Variants in SKIC3 observed in about 807,000 individuals in gnomAD.
The protein encoded by SKIC3 is SKI3 subunit of superkiller complex.
the SKIC3 span, among the ~76,000 whole-genome samples, chr5:95,539,951 C>A: frequency 6.6e-6 from 1 of 151,984 alleles, no homozygotes; most frequent in Non-Finnish European, 1.5e-5. Flanking sequence ...AAGATACTTG[C>A]ACATGCATGT....
At chr5:95,540,553 T>C in the SKIC3 span, 12 of 1,097,182 alleles carry the variant, frequency 1.1e-5, no homozygotes, top group Non-Finnish European at 1.6e-5. Flanking sequence ...CAGGTGCAAA[T>C]GAACACATGA....
At chr5:95,513,352 C>T in the SKIC3 span, 7 of 506,300 alleles carry the variant, frequency 1.4e-5, no homozygotes, top group East Asian at 1.5e-4. Flanking sequence ...TACAGGTATA[C>T]ACCATCATAC....
the SKIC3 span, chr5:95,528,865 A>G: frequency 4.0e-6 from 3 of 746,926 alleles, no homozygotes; most frequent in African/African-American, 3.5e-5. Context: ...ATTTAAACTT[A>G]TTGAAATTAA....
the SKIC3 span, among the ~76,000 whole-genome samples, chr5:95,505,815 C>G: frequency 1.8e-5 from 2 of 113,476 alleles, no homozygotes; most frequent in African/African-American, 6.9e-5. Context: ...TCTGTCCCCC[C>G]AAAAAAAAAA....
chr5:95,469,636 T>G, the SKIC3 span: 1 of 1,132,746 alleles, frequency 8.8e-7, no homozygotes, highest in Non-Finnish European at 1.3e-6. Context: ...TCTTCCAAAG[T>G]AGATACAGAT....
the SKIC3 span, among the ~76,000 whole-genome samples, chr5:95,508,197 C>A: frequency 1.3e-5 from 2 of 152,148 alleles, no homozygotes; most frequent in Admixed American, 1.3e-4. Context: ...AAGCATATGG[C>A]AAAGCATTCA....
chr5:95,534,932 C>A, the SKIC3 span, among the ~76,000 whole-genome samples: 1 of 152,204 alleles, frequency 6.6e-6, no homozygotes. Flanking sequence ...CTCTCAATAA[C>A]CTACATTTCA....
chr5:95,538,166 T>C, the SKIC3 span, among the ~76,000 whole-genome samples: 1 of 152,124 alleles, frequency 6.6e-6, no homozygotes, highest in African/African-American at 2.4e-5. Flanking sequence ...GAGGGTGGGA[T>C]AGACCATCCA....
At chr5:95,505,542 G>A in the SKIC3 span, among the ~76,000 whole-genome samples, 23,654 of 152,030 alleles carry the variant, frequency 0.16, 2,553 homozygotes, top group African/African-American at 0.3. Flanking sequence ...GGCCGGGCAC[G>A]GTGGCTCACG....
the SKIC3 span, among the ~76,000 whole-genome samples, chr5:95,481,318 G>C: frequency 2.6e-5 from 4 of 152,174 alleles, no homozygotes; most frequent in Admixed American, 2.0e-4. Context: ...CACAAGATCT[G>C]ATAGTTTTAA....
chr5:95,466,353 C>T, the SKIC3 span, among the ~76,000 whole-genome samples: 1 of 152,298 alleles, frequency 6.6e-6, no homozygotes, highest in African/African-American at 2.4e-5. Context: ...TCTGTTACCT[C>T]TAACTCCATC....
the SKIC3 span, chr5:95,528,061 T>C: frequency 6.2e-7 from 1 of 1,613,742 alleles, no homozygotes; most frequent in Non-Finnish European, 8.5e-7. Flanking sequence ...AATCTGAGAG[T>C]TTAATCAAAG....
the SKIC3 span, among the ~76,000 whole-genome samples, chr5:95,522,691 G>A: frequency 6.6e-6 from 1 of 151,898 alleles, no homozygotes; most frequent in African/African-American, 2.4e-5. Flanking sequence ...GGAAACAATA[G>A]GCATGCTTTA....
the SKIC3 span, among the ~76,000 whole-genome samples, chr5:95,527,483 C>A: frequency 6.6e-6 from 1 of 152,052 alleles, no homozygotes. Context: ...CTTTACCTGA[C>A]AAAAATCTTT....
chr5:95,528,992 C>A, the SKIC3 span: 3 of 1,612,814 alleles, frequency 1.9e-6, no homozygotes, highest in East Asian at 4.5e-5. Flanking sequence ...CAAAAAGTAT[C>A]AAAAATACCT....
At chr5:95,540,861 G>T in the SKIC3 span, 1 of 1,610,400 alleles carries the variant, frequency 6.2e-7, no homozygotes, top group South Asian at 1.1e-5. Context: ...AAATTATTTT[G>T]TCCAAAATGT....
the SKIC3 span, chr5:95,528,167 G>C: frequency 6.2e-7 from 1 of 1,613,222 alleles, no homozygotes; most frequent in Non-Finnish European, 8.5e-7. Flanking sequence ...CAAAATTAAG[G>C]GTATCCAAAT....
At chr5:95,521,930 G>T in the SKIC3 span, 1 of 1,207,272 alleles carries the variant, frequency 8.3e-7, no homozygotes, top group Non-Finnish European at 1.2e-6. Flanking sequence ...AGGTTCATAT[G>T]GATGCTTGCT....
At chr5:95,540,352 G>T in the SKIC3 span, among the ~76,000 whole-genome samples, 1 of 151,934 alleles carries the variant, frequency 6.6e-6, no homozygotes, top group African/African-American at 2.4e-5. Flanking sequence ...TGGGTTCAGT[G>T]TACACTACTC....
Sources: gnomAD v4.1 joint callset for allele counts (sites outside exome capture counted in the v4.1 genomes callset) on GRCh38, gnomAD v4.1.1 for gene constraint, MANE v1.5 for transcripts, NCBI Gene and HGNC (gene_info 2026-07-23, HGNC 2026-07-21) for gene names.